The following GMPS variants were observed in gnomAD, a reference collection of about 807,000 sequenced individuals.
GMPS encodes the protein GMP synthase [glutamine-hydrolyzing].
GMPS carries 15 observed loss-of-function variants against 77.9 expected under a neutral mutation model. The observed-to-expected ratio is 0.19, with a 90% CI of 0.13 to 0.30. The LOEUF is 0.30. Among genes scored for constraint, GMPS ranks in the 10% least tolerant of loss-of-function variants. The probability of loss-of-function intolerance (pLI) is 1.00; values close to 1 mark genes in which losing one functional copy is unlikely to be tolerated. For synonymous variants in GMPS, 224 were observed against 275.9 expected (o/e 0.81, Z 1.86); for missense variants, 590 against 838.8 (o/e 0.70, Z 3.66).
chr3:155,917,034 A>G (rs1489066623), intron 9 of GMPS, among the ~76,000 whole-genome samples: 2 of 150,882 alleles, frequency 1.3e-5, no homozygotes, highest in Admixed American at 6.6e-5. Flanking sequence ...GAGAGCAGTC[A>G]TGCGACCTCG....
chr3:155,907,422 A>C (rs1754921510), intron 5 of GMPS, among the ~76,000 whole-genome samples: 1 of 152,090 alleles, frequency 6.6e-6, no homozygotes, highest in South Asian at 2.1e-4. Flanking sequence ...TCTCTACATA[A>C]AAATAATTTT....
rs1753883952 is a variant in GMPS, at chr3:155,870,751, C to T, written c.-120C>T. On this transcript the variant is annotated 5_prime_UTR_variant, in exon 1 of 16. Transcript: ENST00000496455. ...TCTGGCGGCTGGCTCCTCTCCGCTG[C>T]CGGCTGCTCCTCGACCAGGCCTCCT... 3.0e-6 allele frequency: 2 copies of T among 659,606 alleles called. No homozygotes were observed. Among genetic ancestry groups the T allele is most frequent in the Non-Finnish European group, 5.2e-6 (2 of 386,346 alleles). The allele number at this position is 659,606 out of a possible 1,614,324, so 40.9% of individuals were successfully genotyped here. A position where few individuals can be genotyped will look rare whatever the true frequency, so the allele number is the denominator to read the frequency against.
Position 155,916,004 on chromosome 3 carries a change from T to C in GMPS, c.1039-15T>C. 1 of 1,600,352 alleles carries C rather than the reference T, an allele frequency of 6.2e-7. No individual in the cohort carries two copies. Among genetic ancestry groups the C allele is most frequent in the Non-Finnish European group, 8.5e-7 (1 of 1,170,456 alleles). ...GTTATCTCTTACAAGGCTGTTTTAC[T>C]CCTGTTGATTATAGATTGCCAATGA... On this transcript the variant is annotated splice_polypyrimidine_tract_variant and intron_variant, in intron 8 of 15. Coordinates refer to ENST00000496455, the MANE Select transcript of GMPS (RefSeq NM_003875.3).
intron 3 of GMPS, among the ~76,000 whole-genome samples, chr3:155,898,984 AC>A (rs1428017527): frequency 6.6e-6 from 1 of 152,080 alleles, no homozygotes; most frequent in African/African-American, 2.4e-5. Flanking sequence ...TAATCTTAGC[AC>A]TTTGGGAGGC....
rs1755860527 is a variant in GMPS, at chr3:155,940,436, A to T, written c.*2744A>T. Reference sequence around the variant, plus strand: ...TGAGGTAAACTGCATGCATTTAGTCAAACAAGCATCATAAAATTTGTTTCC... The same window carrying T: ...TGAGGTAAACTGCATGCATTTAGTCTAACAAGCATCATAAAATTTGTTTCC... On this transcript the variant is annotated 3_prime_UTR_variant, in exon 16 of 16. Coordinates refer to ENST00000496455, the MANE Select transcript of GMPS (RefSeq NM_003875.3). 4.8e-6 allele frequency: 1 copy of T among 208,068 alleles called. No individual in the cohort carries two copies. The highest frequency in any genetic ancestry group is 2.3e-5 in the African/African-American group (1 of 43,922). The allele number at this position is 208,068 out of a possible 1,614,324, so 12.9% of individuals were successfully genotyped here. A position where few individuals can be genotyped will look rare whatever the true frequency, so the allele number is the denominator to read the frequency against.
intron 5 of GMPS, among the ~76,000 whole-genome samples, chr3:155,907,529 C>T (rs1250746723): frequency 1.3e-5 from 2 of 152,098 alleles, no homozygotes; most frequent in African/African-American, 4.8e-5. Context: ...ATCATGACTG[C>T]GGTGAGCTGT....
chr3:155,909,237 T>G (rs1246537914), intron 5 of GMPS, among the ~76,000 whole-genome samples: 1 of 152,230 alleles, frequency 6.6e-6, no homozygotes, highest in Non-Finnish European at 1.5e-5. Flanking sequence ...GCCTAACATC[T>G]ATTGCCCCAT....
intron 1 of GMPS, among the ~76,000 whole-genome samples, chr3:155,883,529 C>T (rs781704204): frequency 5.3e-5 from 8 of 152,080 alleles, no homozygotes; most frequent in South Asian, 2.1e-4. Flanking sequence ...AAAACTGTCT[C>T]GTATTTTAAG....
At chr3:155,878,056 G>C (rs1754100150) in intron 1 of GMPS, among the ~76,000 whole-genome samples, 1 of 152,120 alleles carries the variant, frequency 6.6e-6, no homozygotes, top group African/African-American at 2.4e-5. Flanking sequence ...TTACAGGCAT[G>C]AGCCACCGTG....
chr3:155,913,038 A>G (rs1755080617), intron 7 of GMPS, among the ~76,000 whole-genome samples: 1 of 152,220 alleles, frequency 6.6e-6, no homozygotes, highest in South Asian at 2.1e-4. Context: ...AATACCAGGC[A>G]TAGTTGAGGG....
chr3:155,932,898 T>C (rs1755661839), intron 13 of GMPS, among the ~76,000 whole-genome samples: 1 of 152,130 alleles, frequency 6.6e-6, no homozygotes, highest in Admixed American at 6.6e-5. Flanking sequence ...TATTACTATC[T>C]TCAATAATGG....
rs375254511 is a variant in GMPS, at chr3:155,880,494, TG to T, written c.27+9598del. On this transcript the variant is annotated intron_variant, in intron 1 of 15. Transcript: ENST00000496455. Reference sequence around the variant, plus strand: ...TCACTAATAGGTGTTTTGTTTTGCTTGTTTTTATTGTGGTAAAATGTACATG... The same window carrying T: ...TCACTAATAGGTGTTTTGTTTTGCTTTTTTTATTGTGGTAAAATGTACATG... Among the ~76,000 whole-genome samples the T allele has an allele frequency of 5.5e-3, 840 of 152,340 alleles. 2 individuals carry two copies. The highest frequency in any genetic ancestry group is 0.015 in the South Asian group (71 of 4,822).
intron 1 of GMPS, among the ~76,000 whole-genome samples, chr3:155,882,726 T>C (rs1405633883): frequency 2.0e-5 from 3 of 152,254 alleles, no homozygotes; most frequent in Non-Finnish European, 2.9e-5. Context: ...TATGCAAATT[T>C]ATGGATGCTT....
intron 3 of GMPS, among the ~76,000 whole-genome samples, chr3:155,899,259 T>G (rs1754674269): frequency 6.6e-6 from 1 of 152,076 alleles, no homozygotes; most frequent in Non-Finnish European, 1.5e-5. Context: ...TCCCAGCTCC[T>G]TGGGAGGCTG....
rs571742199 is a variant in GMPS at position 155,917,962 on chromosome 3, G to T, written c.1213-1271G>T. ...GCCTATCCATTTTTGTTTATCTTTT[G>T]GATATATGCCCAGAATTGGGATTGC... is the stretch of plus-strand genomic sequence containing the variant. On this transcript the variant is annotated intron_variant, in intron 9 of 15. Coordinates refer to ENST00000496455, the MANE Select transcript of GMPS (RefSeq NM_003875.3). Among the ~76,000 whole-genome samples the T allele has an allele frequency of 7.9e-5, 12 of 152,174 alleles. 1 individual carries two copies. In the South Asian group the frequency reaches 2.5e-3, roughly 32 times the overall value.
chr3:155,882,045 G>T (rs946791667), intron 1 of GMPS, among the ~76,000 whole-genome samples: 2 of 152,084 alleles, frequency 1.3e-5, no homozygotes, highest in Non-Finnish European at 2.9e-5. Context: ...TCCAACCTGG[G>T]TGACAGAGTG....
chr3:155,910,355 G>A (rs558102979), intron 5 of GMPS, among the ~76,000 whole-genome samples: 1 of 152,186 alleles, frequency 6.6e-6, no homozygotes, highest in East Asian at 1.9e-4. Context: ...GATCACTTGA[G>A]GCCAGGAGTT....
At chr3:155,906,103 C>A in intron 4 of GMPS, 57 bp from the exon 5 acceptor site, 1 of 1,009,538 alleles carries the variant, frequency 9.9e-7, no homozygotes, top group Non-Finnish European at 1.5e-6. Flanking sequence ...AACAAAAGAA[C>A]CCATGAATCA....
Position 155,939,037 on chromosome 3 carries a change from A to C in GMPS, c.*1345A>C, listed in dbSNP as rs1412021884. ...TGGGATTCAGTGTTAGACAAACAAC[A>C]AAATGATGCGTGGCAGAAGTCATCT... is the stretch of plus-strand genomic sequence containing the variant. On this transcript the variant is annotated 3_prime_UTR_variant, in exon 16 of 16. Coordinates refer to ENST00000496455, the MANE Select transcript of GMPS (RefSeq NM_003875.3). 4.6e-6 allele frequency: 1 copy of C among 219,008 alleles called. No individual in the cohort carries two copies. Among genetic ancestry groups the C allele is most frequent in the Non-Finnish European group, 9.2e-6 (1 of 109,066 alleles). 13.6% of individuals were successfully genotyped at this position (219,008 alleles called of 1,614,324 possible).
Sources: gnomAD v4.1 joint callset for allele counts (sites outside exome capture counted in the v4.1 genomes callset) on GRCh38, gnomAD v4.1.1 for gene constraint, MANE v1.5 for transcripts, NCBI Gene and HGNC (gene_info 2026-07-23, HGNC 2026-07-21) for gene names.